The following CPNE4 variants were observed in gnomAD, a reference collection of about 807,000 sequenced individuals.
CPNE4 encodes copine 4, also known as copine-4.
A neutral mutation model predicts 67.9 loss-of-function variants in CPNE4; 25 were observed. That is an observed-to-expected ratio of 0.37 (90% CI 0.27 to 0.51). The LOEUF (loss-of-function observed/expected upper bound fraction) is 0.51, where lower values mean the gene tolerates loss of function less well. Among genes scored for constraint, CPNE4 ranks in the 20% least tolerant of loss-of-function variants. The pLI is 0.93. For synonymous variants in CPNE4, 242 were observed against 244.9 expected, an observed-to-expected ratio of 0.99 and a Z score of 0.11; for missense variants, 464 against 690.8, an observed-to-expected ratio of 0.67 and a Z score of 3.68.
intron 2 of CPNE4, among the ~76,000 whole-genome samples, chr3:131,864,138 G>C (rs372776479): frequency 6.6e-6 from 1 of 151,242 alleles, no homozygotes; most frequent in Non-Finnish European, 1.5e-5. Context: ...GTCAGGTAGC[G>C]TGATGCCTCC....
At chr3:131,836,700 A>T (rs2126149) in intron 2 of CPNE4, among the ~76,000 whole-genome samples, 129,815 of 152,196 alleles carry the variant, frequency 0.85, 56,027 homozygotes, top group East Asian at 1. Context: ...AAAAGCATGA[A>T]CCATAACAGA....
chr3:131,718,008 T>C lies in CPNE4; in HGVS notation c.360+5438A>G, dbSNP rs535590310. Among the ~76,000 whole-genome samples the C allele has an allele frequency of 2.0e-5, 3 of 151,466 alleles. No individual in the cohort carries two copies. In the East Asian group the frequency reaches 5.8e-4, roughly 29 times the overall value. ...CTCTCTCTCTCTGTCTCTCTCTCTT[T>C]CTTTCTTTCTTTTGAGACAGAGTAT... On this transcript the variant is annotated intron_variant, in intron 3 of 15. Transcript: ENST00000429747.
intron 1 of CPNE4, among the ~76,000 whole-genome samples, chr3:131,985,141 C>T (rs1030803552): frequency 3.3e-5 from 5 of 152,176 alleles, no homozygotes; most frequent in African/African-American, 1.2e-4. Flanking sequence ...CCTCACATGA[C>T]AGAAAGAGTT....
At chr3:131,940,035 T>C (rs900243339) in intron 1 of CPNE4, among the ~76,000 whole-genome samples, 2 of 152,148 alleles carry the variant, frequency 1.3e-5, no homozygotes, top group African/African-American at 4.8e-5. Context: ...GTGTTTTGTG[T>C]TACCTGTTTG....
intron 1 of CPNE4, among the ~76,000 whole-genome samples, chr3:132,028,844 G>C (rs2074174756): frequency 6.6e-6 from 1 of 150,760 alleles, no homozygotes. Context: ...AAAAAAGAAT[G>C]TAAAATATCT....
At chr3:131,603,302 T>G (rs1939310833) in intron 7 of CPNE4, among the ~76,000 whole-genome samples, 1 of 152,158 alleles carries the variant, frequency 6.6e-6, no homozygotes, top group South Asian at 2.1e-4. Flanking sequence ...TGGACTAATC[T>G]CTATATAAAT....
chr3:131,921,768 T>A (rs2070744763), intron 1 of CPNE4, among the ~76,000 whole-genome samples: 1 of 152,130 alleles, frequency 6.6e-6, no homozygotes, highest in Non-Finnish European at 1.5e-5. Context: ...AGGGTTAATA[T>A]AAAAGAGAGT....
chr3:131,565,683 G>T (rs7624057), intron 10 of CPNE4, among the ~76,000 whole-genome samples: 54,598 of 151,560 alleles, frequency 0.36, 13,434 homozygotes, highest in African/African-American at 0.71. Context: ...TCTGTGTTAT[G>T]TTTTTCTTTT....
chr3:131,775,837 G>A (rs185103488), intron 2 of CPNE4, among the ~76,000 whole-genome samples: 296 of 152,262 alleles, frequency 1.9e-3, no homozygotes, highest in Non-Finnish European at 3.1e-3. Flanking sequence ...AAATGTCATG[G>A]TTTCTCTGCA....
intron 7 of CPNE4, among the ~76,000 whole-genome samples, chr3:131,663,424 C>T (rs1284601287): frequency 6.6e-6 from 1 of 151,700 alleles, no homozygotes; most frequent in South Asian, 2.1e-4. Flanking sequence ...CCCGTGTATA[C>T]CTACATAACA....
At chr3:131,790,666 C>G (rs1226123583) in intron 2 of CPNE4, among the ~76,000 whole-genome samples, 1 of 152,096 alleles carries the variant, frequency 6.6e-6, no homozygotes, top group African/African-American at 2.4e-5. Context: ...TTCTTGACTT[C>G]TCTTGCCAGC....
chr3:131,732,200 C>T (rs1056961787), intron 2 of CPNE4, among the ~76,000 whole-genome samples: 10 of 152,132 alleles, frequency 6.6e-5, no homozygotes, highest in African/African-American at 2.4e-4. Context: ...TTGAAAGCTG[C>T]CATTTTGACT....
At chr3:131,727,113 G>A (rs1035189760) in intron 2 of CPNE4, among the ~76,000 whole-genome samples, 16 of 152,226 alleles carry the variant, frequency 1.1e-4, no homozygotes, top group Admixed American at 3.3e-4. Flanking sequence ...GAAAACTCAA[G>A]GTTAAATATC....
chr3:131,793,176 A>AT (rs1248784548), intron 2 of CPNE4, among the ~76,000 whole-genome samples: 2 of 151,894 alleles, frequency 1.3e-5, no homozygotes, highest in Non-Finnish European at 2.9e-5. Context: ...ATAGCCTTCC[A>AT]TTTTTTTCTC....
At chr3:131,949,077 G>T (rs2071643539) in intron 1 of CPNE4, among the ~76,000 whole-genome samples, 1 of 152,122 alleles carries the variant, frequency 6.6e-6, no homozygotes, top group African/African-American at 2.4e-5. Context: ...AAACCTTGCA[G>T]GGTATTGTCA....
At chr3:131,690,301 A>G (rs1314012289) in intron 5 of CPNE4, among the ~76,000 whole-genome samples, 2 of 152,224 alleles carry the variant, frequency 1.3e-5, no homozygotes, top group African/African-American at 2.4e-5. Flanking sequence ...CTATAAGGCT[A>G]CAATAACCAA....
At chr3:131,579,592 TG>T (rs1271238066) in intron 9 of CPNE4, among the ~76,000 whole-genome samples, 1 of 152,206 alleles carries the variant, frequency 6.6e-6, no homozygotes, top group African/African-American at 2.4e-5. Flanking sequence ...AGAACATTCA[TG>T]AGTCATGGGA....
At chr3:132,025,063 C>T (rs1358862316) in intron 1 of CPNE4, among the ~76,000 whole-genome samples, 2 of 152,336 alleles carry the variant, frequency 1.3e-5, no homozygotes, top group African/African-American at 4.8e-5. Context: ...AAGGGCCCAT[C>T]ACTTCGGGTT....
chr3:131,649,020 G>A (rs1315597814), intron 7 of CPNE4, among the ~76,000 whole-genome samples: 1 of 152,182 alleles, frequency 6.6e-6, no homozygotes, highest in Non-Finnish European at 1.5e-5. Context: ...ATGTCCCTGG[G>A]TTTGGTTAGT....
Sources: allele counts gnomAD v4.1 joint callset (sites outside exome capture counted in the v4.1 genomes callset), GRCh38; gene constraint gnomAD v4.1.1; transcripts MANE v1.5; gene names NCBI Gene and HGNC (gene_info 2026-07-23, HGNC 2026-07-21).